The following NRXN1 variants were observed in gnomAD, a reference collection of about 807,000 sequenced individuals.
NRXN1 encodes neurexin 1, also known as neurexin-1.
In NRXN1, 39 loss-of-function variants were observed where a neutral mutation model predicts 150.9. That is an observed-to-expected ratio of 0.26 (90% confidence interval 0.20 to 0.34). NRXN1 has a LOEUF of 0.34. NRXN1 is among the 10% of genes least tolerant of loss of function. The probability of loss-of-function intolerance (pLI) is 1.00; values close to 1 mark genes in which losing one functional copy is unlikely to be tolerated. For synonymous variants in NRXN1, 924 were observed against 757.0 expected, an observed-to-expected ratio of 1.22 and a Z score of -3.62; for missense variants, 1,815 against 1,949.9, an observed-to-expected ratio of 0.93 and a Z score of 1.30.
At chr2:50,911,867 G>A (rs1352639416) in intron 5 of NRXN1, among the ~76,000 whole-genome samples, 1 of 151,882 alleles carries the variant, frequency 6.6e-6, no homozygotes, top group Non-Finnish European at 1.5e-5. Flanking sequence ...TTTACAACAA[G>A]ATTTGAAAGA....
intron 5 of NRXN1, among the ~76,000 whole-genome samples, chr2:50,654,160 C>G (rs1399551160): frequency 8.1e-6 from 1 of 123,398 alleles, no homozygotes; most frequent in Non-Finnish European, 1.8e-5. Flanking sequence ...AGGTATATCT[C>G]CTAATGCTAT....
chr2:50,401,886 C>G (rs556536432), intron 17 of NRXN1, among the ~76,000 whole-genome samples: 3 of 152,088 alleles, frequency 2.0e-5, no homozygotes, highest in Non-Finnish European at 2.9e-5. Flanking sequence ...AACCAGCCAG[C>G]CTTTTCACTT....
intron 8 of NRXN1, among the ~76,000 whole-genome samples, chr2:50,565,530 C>CT (rs1669713161): frequency 6.6e-6 from 1 of 152,044 alleles, no homozygotes; most frequent in African/African-American, 2.4e-5. Flanking sequence ...TTTATTTACT[C>CT]TGACTGGGAA....
intron 2 of NRXN1, among the ~76,000 whole-genome samples, chr2:50,954,182 T>G (rs1490120734): frequency 6.6e-6 from 1 of 152,212 alleles, no homozygotes; most frequent in Non-Finnish European, 1.5e-5. Flanking sequence ...TCTCACTCCT[T>G]ATTTTCATTA....
chr2:49,995,780 CA>C (rs1163315598), intron 21 of NRXN1, among the ~76,000 whole-genome samples: 2,307 of 36,310 alleles, frequency 0.064, 87 homozygotes, highest in African/African-American at 0.2. Flanking sequence ...GACTCCGTCT[CA>C]AAAAAAAAAA....
intron 5 of NRXN1, among the ~76,000 whole-genome samples, chr2:50,849,943 T>C (rs930569724): frequency 2.0e-5 from 3 of 152,090 alleles, no homozygotes; most frequent in East Asian, 1.9e-4. Context: ...GTGGTGCTCA[T>C]ACCTGTAATC....
At chr2:50,710,601 C>G (rs1459104735) in intron 5 of NRXN1, among the ~76,000 whole-genome samples, 1 of 152,022 alleles carries the variant, frequency 6.6e-6, no homozygotes, top group Non-Finnish European at 1.5e-5. Flanking sequence ...ATTTTTTAGC[C>G]TAAACATACT....
chr2:50,205,885 T>C (rs1397116972), intron 18 of NRXN1, among the ~76,000 whole-genome samples: 1 of 152,060 alleles, frequency 6.6e-6, no homozygotes, highest in African/African-American at 2.4e-5. Context: ...TCTATTTATA[T>C]GACATGTCCA....
At chr2:50,289,358 C>T (rs947509916) in intron 17 of NRXN1, among the ~76,000 whole-genome samples, 2 of 151,336 alleles carry the variant, frequency 1.3e-5, no homozygotes, top group East Asian at 2.0e-4. Context: ...GCTGTGATTA[C>T]CCCCATAATG....
At chr2:50,401,879 C>G (rs1360358108) in intron 17 of NRXN1, among the ~76,000 whole-genome samples, 1 of 152,074 alleles carries the variant, frequency 6.6e-6, no homozygotes, top group Non-Finnish European at 1.5e-5. Context: ...TCATGCAAAC[C>G]AGCCAGCCTT....
At chr2:50,036,907 T>G (rs909069290) in intron 21 of NRXN1, among the ~76,000 whole-genome samples, 2 of 152,108 alleles carry the variant, frequency 1.3e-5, no homozygotes, top group East Asian at 1.9e-4. Flanking sequence ...CTAGTCCAGT[T>G]GAGATCAGCT....
rs1575134471 is a variant in NRXN1, at chr2:50,986,587, A to C, written c.772+40915T>G. ...TGAGAAAAATATCTAATAAATTTTA[A>C]AAAGTTTTTCATTTATATTTTCCAT... On this transcript the variant is annotated intron_variant, in intron 2 of 22. Coordinates refer to ENST00000401669, the MANE Select transcript of NRXN1 (RefSeq NM_001330078.2). 2.6e-5 allele frequency among the ~76,000 whole-genome samples: 4 copies of C among 151,806 alleles called. No homozygotes were observed. In the East Asian group the frequency reaches 7.8e-4, roughly 29 times the overall value.
intron 9 of NRXN1, among the ~76,000 whole-genome samples, chr2:50,541,082 G>A (rs1047693993): frequency 2.3e-4 from 35 of 152,192 alleles, no homozygotes; most frequent in African/African-American, 7.7e-4. Flanking sequence ...ATCCACTATT[G>A]AGAAATTGAG....
intron 5 of NRXN1, among the ~76,000 whole-genome samples, chr2:50,730,590 G>A (rs1236111756): frequency 2.0e-5 from 3 of 151,494 alleles, no homozygotes; most frequent in African/African-American, 7.3e-5. Flanking sequence ...AATTTATTGT[G>A]ATGTAATGTA....
chr2:50,864,056 G>T (rs778826398), intron 5 of NRXN1, among the ~76,000 whole-genome samples: 5 of 152,012 alleles, frequency 3.3e-5, no homozygotes, highest in African/African-American at 9.7e-5. Flanking sequence ...AGTCTCCGCT[G>T]TGCAGAGATT....
intron 12 of NRXN1, among the ~76,000 whole-genome samples, chr2:50,517,432 T>C (rs1397221847): frequency 6.6e-6 from 1 of 151,996 alleles, no homozygotes; most frequent in Non-Finnish European, 1.5e-5. Context: ...AAATGGTAGA[T>C]GAAATACCCC....
At chr2:50,171,074 A>G (rs1322449064) in intron 18 of NRXN1, among the ~76,000 whole-genome samples, 1 of 152,166 alleles carries the variant, frequency 6.6e-6, no homozygotes, top group Non-Finnish European at 1.5e-5. Context: ...GGTGGAAATT[A>G]ATCATCATAA....
chr2:50,737,757 A>G (rs1698944445), intron 5 of NRXN1, among the ~76,000 whole-genome samples: 1 of 152,170 alleles, frequency 6.6e-6, no homozygotes, highest in Admixed American at 6.5e-5. Context: ...TAACTATACA[A>G]TGGGGTCACT....
intron 18 of NRXN1, among the ~76,000 whole-genome samples, chr2:50,212,049 A>ATATATATATATAT (rs1559100237): frequency 6.6e-6 from 1 of 151,652 alleles, no homozygotes; most frequent in Admixed American, 6.6e-5. Flanking sequence ...AACTAAATCC[A>ATATATATATATAT]CTATATATTC....
Sources: gnomAD v4.1 joint callset for allele counts (sites outside exome capture counted in the v4.1 genomes callset) on GRCh38, gnomAD v4.1.1 for gene constraint, MANE v1.5 for transcripts, NCBI Gene and HGNC (gene_info 2026-07-23, HGNC 2026-07-21) for gene names.